MAST2: variants seen among roughly 807,000 people sequenced by gnomAD.
MAST2 encodes the protein microtubule-associated serine/threonine-protein kinase 2.
In MAST2, 70 loss-of-function variants were observed where a neutral mutation model predicts 147.4. That is an observed-to-expected ratio of 0.47 (90% confidence interval 0.39 to 0.58). The LOEUF is 0.58. Ranked by LOEUF, MAST2 falls within the 20% of genes least tolerant of loss-of-function variation. MAST2 has a pLI of 0.00. For missense variants in MAST2, 2,080 were observed against 2,302.3 expected (o/e 0.90, Z 1.98); for synonymous variants, 869 against 896.8 (o/e 0.97, Z 0.55).
chr1:45,847,492 AT>A, intron 3 of MAST2: 1 of 759,218 alleles, frequency 1.3e-6, no homozygotes, highest in African/African-American at 1.8e-5. Context: ...TCATTCTTCA[AT>A]TTTTCCTTTT....
intron 17 of MAST2, among the ~76,000 whole-genome samples, chr1:46,028,473 T>C (rs1256530404): frequency 6.6e-6 from 1 of 152,178 alleles, no homozygotes; most frequent in Non-Finnish European, 1.5e-5. Context: ...GTCTGTTTTG[T>C]TAGAGGCTGG....
chr1:45,921,669 C>G (rs559033114), intron 4 of MAST2, among the ~76,000 whole-genome samples: 1 of 152,176 alleles, frequency 6.6e-6, no homozygotes, highest in Admixed American at 6.5e-5. Context: ...CACAAGGGAA[C>G]GCGGTGGTGC....
chr1:46,029,642 T>C, intron 19 of MAST2, 75 bp downstream of exon 19: 2 of 1,470,954 alleles, frequency 1.4e-6, no homozygotes, highest in Non-Finnish European at 1.9e-6. Flanking sequence ...ACCCTGGAGG[T>C]TCAGGCTTCG....
intron 3 of MAST2, among the ~76,000 whole-genome samples, chr1:45,862,842 G>C (rs1486550417): frequency 6.6e-6 from 1 of 152,202 alleles, no homozygotes; most frequent in Admixed American, 6.5e-5. Context: ...CATAACGTTA[G>C]TTTTAGTGAC....
rs554633228 is a variant in MAST2, at chr1:45,957,810, C to T, written c.501-1576C>T. Among the ~76,000 whole-genome samples, 10 of 152,282 alleles carry T rather than the reference C, an allele frequency of 6.6e-5. No individual in the cohort carries two copies. In the South Asian group the frequency reaches 2.1e-3, roughly 32 times the overall value. On this transcript the variant is annotated intron_variant, in intron 4 of 28. Coordinates refer to ENST00000361297, the MANE Select transcript of MAST2 (RefSeq NM_015112.3). The stretch of plus-strand genomic sequence containing the variant: ...ATGTTTGTCACTGTGAATATAAAGA[C>T]ACATCAGCCAGCATGATTCTGGGTT...
rs747618532 is a variant in MAST2, at chr1:46,034,528, CTG to C, written c.3869-8_3869-7del. On this transcript the variant is annotated splice_region_variant and splice_polypyrimidine_tract_variant and intron_variant, in intron 28 of 28. Coordinates refer to ENST00000361297, the MANE Select transcript of MAST2 (RefSeq NM_015112.3). ...CTTTTGTCTGTCTGTCTGTCTGTCTCTGTACAAAGTGGGAGGGAATTCATCAC... is the reference window on the plus strand; with the variant it reads ...CTTTTGTCTGTCTGTCTGTCTGTCTCTACAAAGTGGGAGGGAATTCATCAC... The C allele has an allele frequency of 1.2e-6, 2 of 1,610,010 alleles. No individual in the cohort carries two copies. Among genetic ancestry groups the C allele is most frequent in the East Asian group, 2.2e-5 (1 of 44,854 alleles).
rs1040005210 is a variant in MAST2 at position 46,032,245 on chromosome 1, C to A, written c.3255C>A (p.Ser1085=). ...ATTCTCAGTCGTCCAACCCATCATC[C>A]CGGGACTCTTCTCCAAGCAGGGACT... ...SPHSQSSNPS[S]RDSSPSRDFL... is the part of the protein sequence containing the mutation. Residue 1085 remains serine (S), a synonymous_variant, in exon 25 of 29, where the codon TCC becomes TCA. Coordinates refer to ENST00000361297, the MANE Select transcript of MAST2 (RefSeq NM_015112.3). 2 of 1,614,104 alleles carry A rather than the reference C, an allele frequency of 1.2e-6. No homozygotes were observed. Among genetic ancestry groups the A allele is most frequent in the Non-Finnish European group, 1.7e-6 (2 of 1,180,040 alleles).
At chr1:45,947,209 G>T (rs1443819284) in intron 4 of MAST2, among the ~76,000 whole-genome samples, 17 of 148,494 alleles carry the variant, frequency 1.1e-4, no homozygotes, top group African/African-American at 4.0e-4. Flanking sequence ...AACCAGGGTT[G>T]TTAGTTTTAC....
chr1:45,886,973 A>G (rs1570551915), intron 4 of MAST2, among the ~76,000 whole-genome samples: 1 of 152,204 alleles, frequency 6.6e-6, no homozygotes, highest in Non-Finnish European at 1.5e-5. Context: ...CACCACAGGC[A>G]CCTGCCACCA....
In MAST2 at chr1:45,948,738, T is replaced by C. The variant is rs577118062; in HGVS notation, c.501-10648T>C. Among the ~76,000 whole-genome samples, 209 of 99,670 alleles carry C rather than the reference T, an allele frequency of 2.1e-3. 2 individuals are homozygous for C. The highest frequency in any genetic ancestry group is 7.2e-3 in the African/African-American group (184 of 25,522). 65.4% of individuals were successfully genotyped at this position (99,670 alleles called of 152,430 possible). A position where few individuals can be genotyped will look rare whatever the true frequency, so the allele number is the denominator to read the frequency against. On this transcript the variant is annotated intron_variant, in intron 4 of 28. Coordinates refer to ENST00000361297, the MANE Select transcript of MAST2 (RefSeq NM_015112.3). ...AAAAAAAAAAAAAAAAAAAAAGTCA[T>C]ATGGAACAAGAAAAGAGCCCAAATC...
In MAST2 at chr1:46,032,219, C is replaced by T; in HGVS notation, c.3229C>T (p.His1077Tyr). ...CCCGTTGGCCAGCCCCATGTCCCCACATTCTCAGTCGTCCAACCCATCATC... is the reference window on the plus strand; with the variant it reads ...CCCGTTGGCCAGCCCCATGTCCCCATATTCTCAGTCGTCCAACCCATCATC... Reference protein sequence around the residue: ...CSPLASPMSPHSQSSNPSSRD... With the variant: ...CSPLASPMSPYSQSSNPSSRD... Residue 1077 changes from histidine (H) to tyrosine (Y), a missense_variant, in exon 25 of 29, where the codon CAT (histidine) becomes TAT (tyrosine). This residue lies in a region of MAST2 where 1,278 missense variants were observed against 1,304.2 expected (regional missense o/e 0.98). Transcript: ENST00000361297. 3.1e-6 allele frequency: 5 copies of T among 1,614,222 alleles called. No individual in the cohort carries two copies. Among genetic ancestry groups the T allele is most frequent in the Non-Finnish European group, 3.4e-6 (4 of 1,180,044 alleles).
chr1:45,823,620 T>C (rs1334042758), intron 1 of MAST2, among the ~76,000 whole-genome samples: 1 of 152,124 alleles, frequency 6.6e-6, no homozygotes, highest in African/African-American at 2.4e-5. Context: ...AGGTGTGAGC[T>C]ACTGTACCCG....
intron 4 of MAST2, among the ~76,000 whole-genome samples, chr1:45,951,609 A>G (rs1658944017): frequency 6.6e-6 from 1 of 152,202 alleles, no homozygotes; most frequent in South Asian, 2.1e-4. Context: ...AATATAAAAG[A>G]AGGAAACAGA....
intron 1 of MAST2, among the ~76,000 whole-genome samples, chr1:45,819,579 A>G (rs1303163317): frequency 6.6e-6 from 1 of 152,194 alleles, no homozygotes; most frequent in Non-Finnish European, 1.5e-5. Context: ...AATCTGAAAA[A>G]ATCAAAAAAG....
At chr1:45,934,747 G>A (rs991657563) in intron 4 of MAST2, among the ~76,000 whole-genome samples, 1 of 152,122 alleles carries the variant, frequency 6.6e-6, no homozygotes, top group Non-Finnish European at 1.5e-5. Context: ...TAATGGCTCT[G>A]TAGTATTCTG....
chr1:45,908,400 T>A (rs1340704700), intron 4 of MAST2, among the ~76,000 whole-genome samples: 2 of 152,168 alleles, frequency 1.3e-5, no homozygotes, highest in Non-Finnish European at 2.9e-5. Flanking sequence ...CAGGTCTTCC[T>A]TTTTTGATAT....
intron 4 of MAST2, among the ~76,000 whole-genome samples, chr1:45,942,876 G>T (rs1311730733): frequency 6.6e-6 from 1 of 152,178 alleles, no homozygotes; most frequent in Non-Finnish European, 1.5e-5. Context: ...CAGAAAGGGG[G>T]AAGGCAGAGA....
At chr1:46,025,000 T>C (rs887683563) in intron 15 of MAST2, among the ~76,000 whole-genome samples, 4 of 152,100 alleles carry the variant, frequency 2.6e-5, no homozygotes, top group African/African-American at 9.7e-5. Context: ...AGAGAGAGCT[T>C]GTGCAGGGAA....
In MAST2 at chr1:45,997,816, C is replaced by A. The variant is rs1645118253; in HGVS notation, c.668+17C>A. 6.2e-7 allele frequency: 1 copy of A among 1,609,796 alleles called. No individual in the cohort carries two copies. The highest frequency in any genetic ancestry group is 8.5e-7 in the Non-Finnish European group (1 of 1,176,200). ...TGCCCGTAGGTAAGTTGATAGGAAACCTCCTCTGGGACCAGCACATGTGGC... is the reference window on the plus strand; with the variant it reads ...TGCCCGTAGGTAAGTTGATAGGAAAACTCCTCTGGGACCAGCACATGTGGC... On this transcript the variant is annotated intron_variant, in intron 6 of 28. Transcript: ENST00000361297.
Sources: gnomAD v4.1 joint callset for allele counts (sites outside exome capture counted in the v4.1 genomes callset) on GRCh38, gnomAD v4.1.1 for gene constraint, gnomAD v4.1.1 regional missense constraint, MANE v1.5 for transcripts, NCBI Gene and HGNC (gene_info 2026-07-23, HGNC 2026-07-21) for gene names.